TYW1B: variants seen among roughly 807,000 people sequenced by gnomAD.
The protein encoded by TYW1B is S-adenosyl-L-methionine-dependent tRNA 4-demethylwyosine synthase TYW1B.
A neutral mutation model predicts 86.9 loss-of-function variants in TYW1B; 73 were observed. The observed-to-expected ratio is 0.84, with a 90% CI of 0.70 to 1.02. The LOEUF is 1.02. Among genes scored for constraint, TYW1B ranks in the 50% least tolerant of loss-of-function variants. The pLI is 0.00. For missense variants in TYW1B, 637 were observed against 827.4 expected (o/e 0.77, Z 2.82); for synonymous variants, 248 against 292.8 (o/e 0.85, Z 1.56).
chr7:72,732,400 T>C (rs1387328800), intron 8 of TYW1B, among the ~76,000 whole-genome samples: 1 of 151,988 alleles, frequency 6.6e-6, no homozygotes, highest in Non-Finnish European at 1.5e-5. Flanking sequence ...TGTTAAAAAA[T>C]CAAAATCCTA....
At chr7:72,672,509 C>CACACACACACACA (rs1585892488) in intron 11 of TYW1B, among the ~76,000 whole-genome samples, 5 of 149,606 alleles carry the variant, frequency 3.3e-5, no homozygotes, top group South Asian at 2.1e-4. Flanking sequence ...CACACACACA[C>CACACACACACACA]CTGTATACAC....
intron 13 of TYW1B, among the ~76,000 whole-genome samples, chr7:72,587,439 C>G (rs1200291776): frequency 6.6e-6 from 1 of 152,094 alleles, no homozygotes; most frequent in Non-Finnish European, 1.5e-5. Flanking sequence ...TTAAGGACAA[C>G]TTGGTGGGTG....
intron 7 of TYW1B, among the ~76,000 whole-genome samples, chr7:72,751,466 C>T (rs2129571495): frequency 1.3e-5 from 2 of 152,324 alleles, no homozygotes; most frequent in Non-Finnish European, 2.9e-5. Context: ...CTTTATTTCT[C>T]TTACTGTACG....
intron 11 of TYW1B, among the ~76,000 whole-genome samples, chr7:72,643,568 C>T (rs529933674): frequency 6.6e-6 from 1 of 150,406 alleles, no homozygotes; most frequent in Non-Finnish European, 1.5e-5. Flanking sequence ...GCCTGGGCAA[C>T]AGAGCCAGAC....
intron 11 of TYW1B, among the ~76,000 whole-genome samples, chr7:72,668,280 T>C (rs782643795): frequency 3.3e-5 from 5 of 152,248 alleles, no homozygotes; most frequent in Non-Finnish European, 5.9e-5. Flanking sequence ...GATGTTTTTG[T>C]TCAACCGTTT....
At chr7:72,735,569 T>TG (rs1307180461) in intron 8 of TYW1B, among the ~76,000 whole-genome samples, 1 of 118,676 alleles carries the variant, frequency 8.4e-6, no homozygotes, top group African/African-American at 3.3e-5. Context: ...GACTCTGCCT[T>TG]AAAAAAAAAA....
intron 11 of TYW1B, among the ~76,000 whole-genome samples, chr7:72,673,954 T>A (rs1813674321): frequency 6.6e-6 from 1 of 152,138 alleles, no homozygotes; most frequent in South Asian, 2.1e-4. Flanking sequence ...AGAGTTATTA[T>A]TTTTTTAAAA....
At chr7:72,748,315 T>C (rs557665730) in intron 7 of TYW1B, among the ~76,000 whole-genome samples, 12 of 152,338 alleles carry the variant, frequency 7.9e-5, no homozygotes, top group African/African-American at 1.4e-4. Context: ...TTTGCTATTG[T>C]ATCCTGTGAC....
At chr7:72,658,344 T>C (rs1813254955) in intron 11 of TYW1B, among the ~76,000 whole-genome samples, 1 of 151,608 alleles carries the variant, frequency 6.6e-6, no homozygotes, top group Non-Finnish European at 1.5e-5. Flanking sequence ...ACTGCTTGTA[T>C]ACAAAGAGGT....
chr7:72,677,081 A>G (rs868972576), intron 11 of TYW1B, among the ~76,000 whole-genome samples: 26 of 152,208 alleles, frequency 1.7e-4, no homozygotes, highest in South Asian at 2.1e-4. Flanking sequence ...GAATATACTA[A>G]AAATCATACT....
chr7:72,659,170 G>A (rs1341534040), intron 11 of TYW1B, among the ~76,000 whole-genome samples: 24 of 152,200 alleles, frequency 1.6e-4, no homozygotes, highest in South Asian at 4.1e-4. Flanking sequence ...TCCCACCCCC[G>A]GTGTGGTGTG....
intron 11 of TYW1B, among the ~76,000 whole-genome samples, chr7:72,630,730 G>A (rs1193767956): frequency 1.3e-5 from 2 of 152,084 alleles, no homozygotes; most frequent in Admixed American, 1.3e-4. Flanking sequence ...CTTCTAAAAT[G>A]CAGTATATCA....
chr7:72,734,268 A>AAAAAAAAAAAAAAAAAAAAAAAACAC (rs56806378), intron 8 of TYW1B, among the ~76,000 whole-genome samples: 1 of 98,094 alleles, frequency 1.0e-5, no homozygotes, highest in African/African-American at 3.5e-5. Context: ...AAAAAAAAAA[A>AAAAAAAAAAAAAAAAAAAAAAAACAC]ACACAACAAA....
chr7:72,679,590 G>A (rs1465022294), intron 11 of TYW1B, among the ~76,000 whole-genome samples: 2 of 152,128 alleles, frequency 1.3e-5, no homozygotes, highest in African/African-American at 4.8e-5. Flanking sequence ...GAAACAATGG[G>A]GAGATGAAAC....
chr7:72,801,626 C>T lies in TYW1B; in HGVS notation c.846+774G>A, dbSNP rs188580244. Among the ~76,000 whole-genome samples, 4 of 151,900 alleles carry T rather than the reference C, an allele frequency of 2.6e-5. No individual in the cohort carries two copies. The East Asian group carries it at 7.7e-4, about 29-fold the overall frequency. On this transcript the variant is annotated intron_variant, in intron 6 of 13. Coordinates refer to ENST00000620995, the MANE Select transcript of TYW1B (RefSeq NM_001145440.3). ...TCCAAAACTCACAGTTAAATTGAGG[C>T]TGTTATTTTTATAGTATAGTATGTA...
At chr7:72,755,939 G>C (rs535689326) in intron 7 of TYW1B, among the ~76,000 whole-genome samples, 10 of 152,122 alleles carry the variant, frequency 6.6e-5, no homozygotes, top group African/African-American at 2.4e-4. Flanking sequence ...TTGTGAAAAC[G>C]GGCAGGGGCA....
At chr7:72,584,877 G>A (rs1423670944) in intron 13 of TYW1B, among the ~76,000 whole-genome samples, 2 of 152,172 alleles carry the variant, frequency 1.3e-5, no homozygotes, top group Non-Finnish European at 2.9e-5. Context: ...AGAGGCCTTA[G>A]GCAAACGAGG....
intron 10 of TYW1B, among the ~76,000 whole-genome samples, chr7:72,696,511 A>G (rs1367747848): frequency 1.3e-5 from 2 of 152,216 alleles, no homozygotes; most frequent in Non-Finnish European, 2.9e-5. Flanking sequence ...TCACCACTTT[A>G]AAATGGTTTA....
chr7:72,715,676 A>C (rs1786765779), intron 9 of TYW1B, among the ~76,000 whole-genome samples: 1 of 151,884 alleles, frequency 6.6e-6, no homozygotes, highest in Admixed American at 6.6e-5. Flanking sequence ...TAATCTGTAC[A>C]ACAAACCCCC....
Sources: gnomAD v4.1 joint callset for allele counts (sites outside exome capture counted in the v4.1 genomes callset) on GRCh38, gnomAD v4.1.1 for gene constraint, MANE v1.5 for transcripts, NCBI Gene and HGNC (gene_info 2026-07-23, HGNC 2026-07-21) for gene names.